The following PTPRJ variants were observed in gnomAD, a reference collection of about 807,000 sequenced individuals.
The protein encoded by PTPRJ is receptor-type tyrosine-protein phosphatase eta.
A neutral mutation model predicts 141.3 loss-of-function variants in PTPRJ; 129 were observed. The observed-to-expected ratio is 0.91, with a 90% CI of 0.79 to 1.06. PTPRJ has a LOEUF of 1.06. PTPRJ is among the 50% of genes least tolerant of loss of function. The probability of loss-of-function intolerance (pLI) is 0.00; values close to 1 mark genes in which losing one functional copy is unlikely to be tolerated. For missense variants in PTPRJ, 1,601 were observed against 1,679.7 expected, an observed-to-expected ratio of 0.95 and a Z score of 0.82; for synonymous variants, 610 against 640.5, an observed-to-expected ratio of 0.95 and a Z score of 0.72.
intron 1 of PTPRJ, among the ~76,000 whole-genome samples, chr11:48,028,423 G>C (rs1212227961): frequency 6.6e-6 from 1 of 152,176 alleles, no homozygotes; most frequent in African/African-American, 2.4e-5. Flanking sequence ...ACCTTGTGTG[G>C]GCTGGGTGCA....
chr11:48,151,590 G>T (rs868697428), intron 18 of PTPRJ, among the ~76,000 whole-genome samples: 2 of 149,236 alleles, frequency 1.3e-5, no homozygotes, highest in African/African-American at 5.0e-5. Flanking sequence ...ATCTCCTAAT[G>T]CTATCCCTCC....
intron 1 of PTPRJ, among the ~76,000 whole-genome samples, chr11:48,084,282 T>C (rs1218416636): frequency 6.6e-6 from 1 of 152,126 alleles, no homozygotes; most frequent in Non-Finnish European, 1.5e-5. Context: ...TTCAAGCGAT[T>C]CTCCTGCTTC....
At chr11:48,148,550 G>A (rs1297899761) in intron 15 of PTPRJ, among the ~76,000 whole-genome samples, 1 of 151,918 alleles carries the variant, frequency 6.6e-6, no homozygotes, top group African/African-American at 2.4e-5. Flanking sequence ...CGATTCTCCT[G>A]TCTCAGCCTC....
chr11:48,037,259 G>A (rs1035825899), intron 1 of PTPRJ, among the ~76,000 whole-genome samples: 1 of 152,142 alleles, frequency 6.6e-6, no homozygotes, highest in African/African-American at 2.4e-5. Flanking sequence ...AACCCTGATT[G>A]ACTCAAGAGT....
chr11:48,027,791 CAAAAAAAAAA>C (rs750153282), intron 1 of PTPRJ, among the ~76,000 whole-genome samples: 1 of 32,900 alleles, frequency 3.0e-5, no homozygotes, highest in Non-Finnish European at 5.6e-5. Flanking sequence ...ACTCTGTCTC[CAAAAAAAAAA>C]AAAAAAAAAA....
chr11:48,156,025 C>A lies in PTPRJ; in HGVS notation c.3344C>A (p.Pro1115His). ...SKKDFIATQG[P>H]LPNTLKDFWR... ...AAAGATTTTATTGCCACACAAGGACCTTTACCGAACACTTTGAAAGATTTT... is the reference window on the plus strand; with the variant it reads ...AAAGATTTTATTGCCACACAAGGACATTTACCGAACACTTTGAAAGATTTT... Residue 1115 changes from proline (P) to histidine (H), a missense_variant, in exon 21 of 25, where the codon CCT becomes CAT. Physicochemically the swap from Pro to His is moderately conservative, Grantham distance 77 (BLOSUM62 -2). Transcript: ENST00000418331. 1 of 1,607,562 alleles carries A rather than the reference C, an allele frequency of 6.2e-7. No individual in the cohort carries two copies. Among genetic ancestry groups the A allele is most frequent in the Non-Finnish European group, 8.5e-7 (1 of 1,174,026 alleles).
chr11:48,150,327 C>T (rs1857450460), intron 18 of PTPRJ, 144 bp downstream of exon 18: 6 of 655,212 alleles, frequency 9.2e-6, no homozygotes, highest in Non-Finnish European at 1.6e-5. Flanking sequence ...ATTCTCTCTC[C>T]TACAGAGTCA....
At chr11:48,044,619 A>G (rs573211359) in intron 1 of PTPRJ, among the ~76,000 whole-genome samples, 2 of 152,340 alleles carry the variant, frequency 1.3e-5, no homozygotes, top group Non-Finnish European at 2.9e-5. Flanking sequence ...CATTTCATAC[A>G]TGAGAAAATG....
In PTPRJ at chr11:48,110,056, A is replaced by G. The variant is rs758226104; in HGVS notation, c.97-2A>G. On this transcript the variant is annotated splice_acceptor_variant, in intron 1 of 24. Coordinates refer to ENST00000418331, the MANE Select transcript of PTPRJ (RefSeq NM_002843.4). LOFTEE classifies it high-confidence loss of function. ...GACTTCCGTTTTCTTTTTCTGTTTC[A>G]GATCCTGTGCGCAGGTGGCAGTGAG... The G allele has an allele frequency of 4.3e-6, 7 of 1,613,962 alleles. No individual in the cohort carries two copies. Among genetic ancestry groups the G allele is most frequent in the Non-Finnish European group, 5.1e-6 (6 of 1,179,880 alleles).
At position 48,123,837 on chromosome 11, in the gene PTPRJ, A is replaced by G. The variant is rs771389175; in HGVS notation, c.841A>G (p.Lys281Glu). 6.2e-7 allele frequency: 1 copy of G among 1,613,808 alleles called. No homozygotes were observed. Among genetic ancestry groups the G allele is most frequent in the Non-Finnish European group, 8.5e-7 (1 of 1,179,792 alleles). Residue 281 changes from lysine to glutamate, a missense_variant, in exon 5 of 25, where the codon AAG (lysine) becomes GAG (glutamate). By Grantham distance (56) the Lys-to-Glu change is moderately conservative (BLOSUM62 1). Transcript: ENST00000418331. ...NPYLLQSNKT[K>E]GDPLGTEGGL... ...GTATCTTCTACAATCAAATAAGACA[A>G]AGGGAGACCCCTTGGGCACAGAAGG... is the stretch of plus-strand genomic sequence containing the variant.
chr11:48,027,844 G>A (rs1273500042), intron 1 of PTPRJ, among the ~76,000 whole-genome samples: 1 of 145,116 alleles, frequency 6.9e-6, no homozygotes, highest in Non-Finnish European at 1.5e-5. Flanking sequence ...GGGCCTGTCT[G>A]CTCTCCAGGG....
In PTPRJ at chr11:48,121,363, G is replaced by A. The variant is rs997088499; in HGVS notation, c.616+97G>A. 4 of 1,350,370 alleles carry A rather than the reference G, an allele frequency of 3.0e-6. No homozygotes were observed. In the Admixed American group the frequency reaches 6.4e-5, roughly 22 times the overall value. 83.6% of individuals were successfully genotyped at this position (1,350,370 alleles called of 1,614,324 possible). ...TCAAGTTGCCTGTTGGAAAGAGAAT[G>A]GTTTTCATAAACTAGAAGAGGAGAA... On this transcript the variant is annotated intron_variant, in intron 4 of 24. Coordinates refer to ENST00000418331, the MANE Select transcript of PTPRJ (RefSeq NM_002843.4).
chr11:48,112,815 A>G lies in PTPRJ; in HGVS notation c.184A>G (p.Ser62Gly). ...ATGENGITQISSTAESFHKQN... is the reference protein window; with the variant it reads ...ATGENGITQIGSTAESFHKQN... ...AGGGGAAAATGGCATAACGCAGATC[A>G]GCAGTACAGCAGAATCCTTTCATAA... Residue 62 changes from serine to glycine, a missense_variant, in exon 3 of 25, where the codon AGC becomes GGC. Ser to Gly is a moderately conservative substitution (Grantham distance 56). Coordinates refer to ENST00000418331, the MANE Select transcript of PTPRJ (RefSeq NM_002843.4). 1.9e-6 allele frequency: 3 copies of G among 1,614,236 alleles called. No homozygotes were observed. Among genetic ancestry groups the G allele is most frequent in the Non-Finnish European group, 2.5e-6 (3 of 1,180,034 alleles).
At chr11:48,143,467 G>A (rs911471749) in intron 12 of PTPRJ, among the ~76,000 whole-genome samples, 2 of 152,142 alleles carry the variant, frequency 1.3e-5, no homozygotes, top group African/African-American at 2.4e-5. Flanking sequence ...CTTTTAGGTG[G>A]TAGAATATTA....
intron 1 of PTPRJ, among the ~76,000 whole-genome samples, chr11:48,024,547 C>A (rs1477381203): frequency 6.6e-6 from 1 of 152,168 alleles, no homozygotes; most frequent in East Asian, 1.9e-4. Context: ...TCTTTTCTAT[C>A]TCTCTCACTG....
intron 1 of PTPRJ, among the ~76,000 whole-genome samples, chr11:48,018,734 C>T (rs1855019247): frequency 6.6e-6 from 1 of 152,174 alleles, no homozygotes; most frequent in Non-Finnish European, 1.5e-5. Flanking sequence ...GAATGTGGCA[C>T]TCCCTTTAGT....
chr11:48,025,179 C>G (rs1358191559), intron 1 of PTPRJ, among the ~76,000 whole-genome samples: 2 of 152,172 alleles, frequency 1.3e-5, no homozygotes, highest in Non-Finnish European at 2.9e-5. Flanking sequence ...CTTGCAAACT[C>G]AGAGGCCTTT....
intron 1 of PTPRJ, among the ~76,000 whole-genome samples, chr11:48,017,885 G>A (rs1219475529): frequency 1.3e-5 from 2 of 152,162 alleles, no homozygotes; most frequent in Non-Finnish European, 2.9e-5. Context: ...TTGACTCCTG[G>A]TTAGTTTTTC....
chr11:48,092,294 C>CAAAAAAAAAAAAAA (rs3971621), intron 1 of PTPRJ, among the ~76,000 whole-genome samples: 102 of 46,854 alleles, frequency 2.2e-3, no homozygotes, highest in East Asian at 3.2e-3. Flanking sequence ...GATTTCATCT[C>CAAAAAAAAAAAAAA]AAAAAAAAAA....
Sources: gnomAD v4.1 joint callset for allele counts (sites outside exome capture counted in the v4.1 genomes callset) on GRCh38, gnomAD v4.1.1 for gene constraint, MANE v1.5 for transcripts, NCBI Gene and HGNC (gene_info 2026-07-23, HGNC 2026-07-21) for gene names.